The following KIAA1217 variants were observed in gnomAD, a reference collection of about 807,000 sequenced individuals.
The protein encoded by KIAA1217 is sickle tail protein homolog.
In KIAA1217, 88 loss-of-function variants were observed where a neutral mutation model predicts 163.9. The ratio of observed to expected loss-of-function variants is 0.54; its 90% CI spans 0.45 to 0.64. The LOEUF (loss-of-function observed/expected upper bound fraction) is 0.64, where lower values mean the gene tolerates loss of function less well. Among genes scored for constraint, KIAA1217 ranks in the 30% least tolerant of loss-of-function variants. The probability of loss-of-function intolerance (pLI) is 0.00; values close to 1 mark genes in which losing one functional copy is unlikely to be tolerated. For synonymous variants in KIAA1217, 903 were observed against 923.1 expected (o/e 0.98, Z 0.39); for missense variants, 2,372 against 2,475.0 (o/e 0.96, Z 0.88).
intron 1 of KIAA1217, among the ~76,000 whole-genome samples, chr10:23,985,329 T>G (rs143687614): frequency 6.6e-6 from 1 of 152,200 alleles, no homozygotes; most frequent in Non-Finnish European, 1.5e-5. Context: ...GACTCTCTTC[T>G]ATTTGCACAC....
intron 1 of KIAA1217, among the ~76,000 whole-genome samples, chr10:23,724,655 A>G (rs1380302775): frequency 2.0e-5 from 3 of 152,218 alleles, no homozygotes; most frequent in Non-Finnish European, 4.4e-5. Context: ...GCAAAAGAGA[A>G]TGAAGGATTA....
At chr10:24,483,739 C>T (rs1057502067) in intron 6 of KIAA1217, among the ~76,000 whole-genome samples, 15 of 152,150 alleles carry the variant, frequency 9.9e-5, no homozygotes, top group African/African-American at 3.6e-4. Context: ...TAACATGAAG[C>T]AACTGCTATT....
intron 2 of KIAA1217, among the ~76,000 whole-genome samples, chr10:24,348,384 A>G (rs571952706): frequency 1.3e-5 from 2 of 152,294 alleles, no homozygotes; most frequent in Non-Finnish European, 1.5e-5. Flanking sequence ...ATTACCAGTA[A>G]GTATACTTCT....
chr10:24,430,496 G>A (rs927695159), intron 3 of KIAA1217, among the ~76,000 whole-genome samples: 6 of 152,110 alleles, frequency 3.9e-5, no homozygotes, highest in Admixed American at 2.6e-4. Context: ...TGATTCAAAC[G>A]CATTACATTT....
chr10:23,723,984 G>C (rs1403916274), intron 1 of KIAA1217, among the ~76,000 whole-genome samples: 2 of 152,144 alleles, frequency 1.3e-5, no homozygotes, highest in Non-Finnish European at 2.9e-5. Flanking sequence ...AGATAAAAGG[G>C]GAGCAGGCAT....
rs147706466 is a variant in KIAA1217 at position 23,864,912 on chromosome 10, T to A, written c.-320-142313T>A. 1.2e-3 allele frequency among the ~76,000 whole-genome samples: 180 copies of A among 152,192 alleles called. 1 individual carries two copies. In the East Asian group the frequency reaches 0.032, roughly 27 times the overall value. On this transcript the variant is annotated intron_variant, in intron 1 of 18. Coordinates refer to the KIAA1217 transcript ENST00000376462. ...CCTTCTGTTTCTGGGGAATCTCAGC[T>A]TTTTTCCCTTAAGAACTTCAACTGA...
In KIAA1217 at chr10:24,211,361, CTTTTTTTTTTTT is replaced by C. The variant is rs1201397959; in HGVS notation, c.70+2116_70+2127del. ...GGGAATCTCCTGGCAGGTGGGACTA[CTTTTTTTTTTTT>C]TTTTTTTTTTTTTTTTTAGAGAGGG... On this transcript the variant is annotated intron_variant, in intron 1 of 20. Coordinates refer to ENST00000376454, the MANE Select transcript of KIAA1217 (RefSeq NM_019590.5). Among the ~76,000 whole-genome samples the C allele has an allele frequency of 2.0e-4, 12 of 60,204 alleles. No homozygotes were observed. In the East Asian group the frequency reaches 5.6e-3, roughly 28 times the overall value. 39.5% of individuals were successfully genotyped at this position (60,204 alleles called of 152,430 possible). A position where few individuals can be genotyped will look rare whatever the true frequency, so the allele number is the denominator to read the frequency against.
At chr10:23,706,686 T>G (rs188663483) in intron 1 of KIAA1217, among the ~76,000 whole-genome samples, 5 of 152,206 alleles carry the variant, frequency 3.3e-5, no homozygotes, top group African/African-American at 1.2e-4. Context: ...TTTGTCTATA[T>G]TCATAAGAGA....
intron 3 of KIAA1217, among the ~76,000 whole-genome samples, chr10:24,402,119 C>G (rs1564617880): frequency 6.6e-6 from 1 of 152,102 alleles, no homozygotes; most frequent in South Asian, 2.1e-4. Flanking sequence ...CACTGCTCTC[C>G]CAAAAGATCT....
chr10:23,835,216 A>C (rs1345592693), intron 1 of KIAA1217, among the ~76,000 whole-genome samples: 1 of 150,600 alleles, frequency 6.6e-6, no homozygotes, highest in Non-Finnish European at 1.5e-5. Flanking sequence ...GAGAAGAACT[A>C]GGAAGGAGTG....
intron 2 of KIAA1217, among the ~76,000 whole-genome samples, chr10:24,328,736 A>AGAT (rs1342835891): frequency 6.6e-6 from 1 of 151,926 alleles, no homozygotes; most frequent in African/African-American, 2.4e-5. Flanking sequence ...ATACTTTTTG[A>AGAT]GATACATTTA....
At chr10:24,195,592 G>A (rs1158903339) in intron 2 of KIAA1217, among the ~76,000 whole-genome samples, 1 of 152,160 alleles carries the variant, frequency 6.6e-6, no homozygotes, top group Non-Finnish European at 1.5e-5. Flanking sequence ...GGGCAACAGA[G>A]CCACTAAGAT....
chr10:23,816,743 G>T (rs549136968), intron 1 of KIAA1217, among the ~76,000 whole-genome samples: 2 of 152,204 alleles, frequency 1.3e-5, no homozygotes, highest in South Asian at 4.1e-4. Flanking sequence ...CATTATAATT[G>T]GAAGGGCAAT....
intron 2 of KIAA1217, among the ~76,000 whole-genome samples, chr10:24,041,182 T>G (rs1035470595): frequency 6.6e-6 from 1 of 152,200 alleles, no homozygotes; most frequent in Admixed American, 6.5e-5. Context: ...ATAGAGAGTT[T>G]GTATAGACTC....
intron 1 of KIAA1217, among the ~76,000 whole-genome samples, chr10:23,816,854 C>G (rs1000621897): frequency 2.0e-5 from 3 of 152,130 alleles, no homozygotes; most frequent in African/African-American, 7.2e-5. Flanking sequence ...GGGCACTATT[C>G]TTTGTGCAAC....
chr10:23,744,034 T>C (rs1240606110), intron 1 of KIAA1217, among the ~76,000 whole-genome samples: 1 of 152,060 alleles, frequency 6.6e-6, no homozygotes, highest in African/African-American at 2.4e-5. Flanking sequence ...AGTAGAAAAG[T>C]GGAAGAACAC....
At chr10:24,135,837 G>T (rs1419954341) in intron 2 of KIAA1217, among the ~76,000 whole-genome samples, 1 of 152,086 alleles carries the variant, frequency 6.6e-6, no homozygotes, top group Non-Finnish European at 1.5e-5. Context: ...TTATTTAGAG[G>T]CTGCAATTTG....
chr10:24,447,443 G>A (rs1366920747), intron 5 of KIAA1217, among the ~76,000 whole-genome samples: 4 of 152,000 alleles, frequency 2.6e-5, no homozygotes, highest in Non-Finnish European at 5.9e-5. Context: ...GTGTCCAAGT[G>A]TTCTCATTGT....
At chr10:23,875,705 C>A (rs1050915809) in intron 1 of KIAA1217, among the ~76,000 whole-genome samples, 1 of 152,004 alleles carries the variant, frequency 6.6e-6, no homozygotes, top group African/African-American at 2.4e-5. Flanking sequence ...ACCCAAATGT[C>A]CAACAATGAT....
Sources: allele counts gnomAD v4.1 joint callset (sites outside exome capture counted in the v4.1 genomes callset), GRCh38; gene constraint gnomAD v4.1.1; transcripts MANE v1.5; gene names NCBI Gene and HGNC (gene_info 2026-07-23, HGNC 2026-07-21).